Variants in MAN1A1 observed in about 807,000 individuals in gnomAD.
The protein encoded by MAN1A1 is mannosyl-oligosaccharide 1,2-alpha-mannosidase IA.
A neutral mutation model predicts 70.8 loss-of-function variants in MAN1A1; 29 were observed. That is an observed-to-expected ratio of 0.41 (90% CI 0.31 to 0.56). MAN1A1 has a LOEUF of 0.56. MAN1A1 is among the 20% of genes least tolerant of loss of function. The probability of loss-of-function intolerance (pLI) is 0.29; values close to 1 mark genes in which losing one functional copy is unlikely to be tolerated. For missense variants in MAN1A1, 747 were observed against 841.3 expected, an observed-to-expected ratio of 0.89 and a Z score of 1.39; for synonymous variants, 349 against 330.1, an observed-to-expected ratio of 1.06 and a Z score of -0.62.
intron 5 of MAN1A1, among the ~76,000 whole-genome samples, chr6:119,275,277 A>ATTTTTT (rs869090504): frequency 1.9e-5 from 1 of 52,852 alleles, no homozygotes; most frequent in Non-Finnish European, 3.6e-5. Context: ...TACCCAGCTA[A>ATTTTTT]TTTTTTTTTT....
chr6:119,193,472 C>T (rs1219137969), intron 9 of MAN1A1, among the ~76,000 whole-genome samples: 1 of 152,080 alleles, frequency 6.6e-6, no homozygotes, highest in Non-Finnish European at 1.5e-5. Context: ...TTCAGGATTT[C>T]CCCCTGCATA....
At chr6:119,226,948 G>C (rs1774532839) in intron 6 of MAN1A1, among the ~76,000 whole-genome samples, 1 of 152,148 alleles carries the variant, frequency 6.6e-6, no homozygotes, top group Non-Finnish European at 1.5e-5. Flanking sequence ...TGGGATTAGA[G>C]GCGTGAGCCA....
At chr6:119,332,569 C>T (rs1218969119) in intron 2 of MAN1A1, among the ~76,000 whole-genome samples, 6 of 152,162 alleles carry the variant, frequency 3.9e-5, no homozygotes, top group African/African-American at 9.7e-5. Flanking sequence ...GTAATCCCAG[C>T]GCTTTGGGAG....
chr6:119,204,484 A>T (rs1773803606), intron 7 of MAN1A1, among the ~76,000 whole-genome samples: 1 of 152,204 alleles, frequency 6.6e-6, no homozygotes, highest in African/African-American at 2.4e-5. Flanking sequence ...TTTTTAGATA[A>T]GGAAACAAAC....
At chr6:119,318,648 C>G (rs1016561131) in intron 2 of MAN1A1, among the ~76,000 whole-genome samples, 1 of 152,152 alleles carries the variant, frequency 6.6e-6, no homozygotes, top group South Asian at 2.1e-4. Context: ...GAAAACCTTG[C>G]AGATACAGGG....
chr6:119,300,076 TG>T (rs1772345335), intron 4 of MAN1A1, among the ~76,000 whole-genome samples: 1 of 152,206 alleles, frequency 6.6e-6, no homozygotes, highest in Non-Finnish European at 1.5e-5. Flanking sequence ...TACTAAAGTA[TG>T]CTTTCCAGTT....
intron 11 of MAN1A1, among the ~76,000 whole-genome samples, chr6:119,182,342 A>C (rs960184194): frequency 2.6e-5 from 4 of 152,108 alleles, no homozygotes; most frequent in Non-Finnish European, 4.4e-5. Flanking sequence ...TGCTGTAAGG[A>C]AACTTTTTAG....
intron 11 of MAN1A1, among the ~76,000 whole-genome samples, chr6:119,188,007 A>C (rs573000063): frequency 6.6e-6 from 1 of 152,252 alleles, no homozygotes; most frequent in Non-Finnish European, 1.5e-5. Flanking sequence ...CTCTAAGTAA[A>C]AGCATATACT....
chr6:119,290,233 A>G (rs1776496553), intron 5 of MAN1A1, among the ~76,000 whole-genome samples: 1 of 152,062 alleles, frequency 6.6e-6, no homozygotes, highest in South Asian at 2.1e-4. Context: ...CTTGGTAGCT[A>G]AGTGTCTCAC....
intron 5 of MAN1A1, among the ~76,000 whole-genome samples, chr6:119,264,586 C>T (rs1364942193): frequency 3.9e-5 from 6 of 151,966 alleles, no homozygotes; most frequent in Admixed American, 1.3e-4. Context: ...TATGTGCTTG[C>T]GGTTGTTGTT....
intron 5 of MAN1A1, among the ~76,000 whole-genome samples, chr6:119,281,689 T>C (rs1776228356): frequency 6.6e-6 from 1 of 152,182 alleles, no homozygotes; most frequent in Non-Finnish European, 1.5e-5. Context: ...TTCTCACTGA[T>C]GTGAATTTGT....
intron 5 of MAN1A1, among the ~76,000 whole-genome samples, chr6:119,272,241 T>G (rs1775945233): frequency 6.6e-6 from 1 of 152,214 alleles, no homozygotes; most frequent in East Asian, 1.9e-4. Context: ...GATTTTGATT[T>G]GTAAAGCCTC....
chr6:119,288,849 T>C (rs185691803), intron 5 of MAN1A1, among the ~76,000 whole-genome samples: 163 of 151,934 alleles, frequency 1.1e-3, no homozygotes, highest in African/African-American at 3.8e-3. Context: ...ATTTTTATCA[T>C]AAAATTTAAA....
chr6:119,206,944 C>T (rs989115775), intron 6 of MAN1A1, among the ~76,000 whole-genome samples: 4 of 152,144 alleles, frequency 2.6e-5, no homozygotes, highest in Admixed American at 1.3e-4. Context: ...AAGCCCAGCC[C>T]GCCTTCCAGA....
intron 9 of MAN1A1, 93 bp from the exon 10 acceptor site, chr6:119,189,976 C>T: frequency 1.0e-6 from 1 of 953,060 alleles, no homozygotes; most frequent in Non-Finnish European, 1.6e-6. Flanking sequence ...GAATAGAATA[C>T]ACCTGACAAT....
intron 8 of MAN1A1, among the ~76,000 whole-genome samples, chr6:119,197,851 G>T (rs1447130593): frequency 6.6e-6 from 1 of 151,722 alleles, no homozygotes; most frequent in Non-Finnish European, 1.5e-5. Context: ...TAAATATAAA[G>T]GGCTCTTTGT....
At chr6:119,184,335 A>T (rs1442428238) in intron 11 of MAN1A1, among the ~76,000 whole-genome samples, 1 of 152,250 alleles carries the variant, frequency 6.6e-6, no homozygotes, top group Non-Finnish European at 1.5e-5. Context: ...GGATATGAGA[A>T]TGTTTATAAT....
At chr6:119,308,258 G>A (rs919120458) in intron 2 of MAN1A1, among the ~76,000 whole-genome samples, 4 of 152,076 alleles carry the variant, frequency 2.6e-5, no homozygotes, top group Non-Finnish European at 4.4e-5. Flanking sequence ...AAAGCCCATG[G>A]CATTAACCAA....
At chr6:119,325,229 T>A (rs1301320142) in intron 2 of MAN1A1, among the ~76,000 whole-genome samples, 1 of 152,212 alleles carries the variant, frequency 6.6e-6, no homozygotes, top group Non-Finnish European at 1.5e-5. Flanking sequence ...TTGCCCAAGT[T>A]CACTGGACAC....
Sources: allele counts gnomAD v4.1 joint callset (sites outside exome capture counted in the v4.1 genomes callset), GRCh38; gene constraint gnomAD v4.1.1; transcripts MANE v1.5; gene names NCBI Gene and HGNC (gene_info 2026-07-23, HGNC 2026-07-21).